Variants in CELF4 observed in about 807,000 individuals in gnomAD.
CELF4 encodes CUGBP Elav-like family member 4, also known as CUG-BP- and ETR-3-like factor 4.
CELF4 carries 18 observed loss-of-function variants against 59.9 expected under a neutral mutation model. The observed-to-expected ratio is 0.30, with a 90% confidence interval of 0.21 to 0.45. The LOEUF (loss-of-function observed/expected upper bound fraction) is 0.45, where lower values mean the gene tolerates loss of function less well. CELF4 is among the 20% of genes least tolerant of loss of function. The probability of loss-of-function intolerance (pLI) is 1.00; values close to 1 mark genes in which losing one functional copy is unlikely to be tolerated. For synonymous variants in CELF4, 261 were observed against 267.1 expected, an observed-to-expected ratio of 0.98 and a Z score of 0.22; for missense variants, 456 against 689.0, an observed-to-expected ratio of 0.66 and a Z score of 3.79.
At chr18:37,449,362 C>T (rs992825760) in intron 2 of CELF4, among the ~76,000 whole-genome samples, 15 of 152,098 alleles carry the variant, frequency 9.9e-5, no homozygotes, top group African/African-American at 2.4e-5. Flanking sequence ...AAGCGTGCAG[C>T]CCAGGGAAAG....
At chr18:37,456,614 T>C (rs184767320) in intron 2 of CELF4, among the ~76,000 whole-genome samples, 1 of 152,298 alleles carries the variant, frequency 6.6e-6, no homozygotes, top group African/African-American at 2.4e-5. Context: ...TCTGACTGAA[T>C]TCCTTTGGGT....
intron 10 of CELF4, among the ~76,000 whole-genome samples, chr18:37,263,359 G>A (rs1365198716): frequency 6.6e-6 from 1 of 152,128 alleles, no homozygotes; most frequent in Non-Finnish European, 1.5e-5. Context: ...GCAGACTCTT[G>A]AGGCTCTTTC....
In CELF4 at chr18:37,245,153, T is replaced by G. The variant is rs118119532; in HGVS notation, c.*89A>C. The G allele has an allele frequency of 8.7e-3, 1,329 of 152,328 alleles. 7 individuals carry two copies. Among genetic ancestry groups the G allele is most frequent in the Non-Finnish European group, 0.014 (933 of 67,986 alleles). 9.4% of individuals were successfully genotyped at this position (152,328 alleles called of 1,614,324 possible). A position where few individuals can be genotyped will look rare whatever the true frequency, so the allele number is the denominator to read the frequency against. Reference sequence around the variant, plus strand: ...AACAGTTCTCATTTATAAATATATATAGAGAGAGGTTTGTTTTTTAATGTA... The same window carrying G: ...AACAGTTCTCATTTATAAATATATAGAGAGAGAGGTTTGTTTTTTAATGTA... On this transcript the variant is annotated 3_prime_UTR_variant, in exon 13 of 13. Transcript: ENST00000420428. This position sits in a 1 kb window ranked among gnomAD's most constrained non-coding sequence, Gnocchi z 4.1.
intron 11 of CELF4, among the ~76,000 whole-genome samples, chr18:37,256,680 G>T (rs897731685): frequency 3.9e-5 from 6 of 152,002 alleles, no homozygotes; most frequent in African/African-American, 1.5e-4. Flanking sequence ...CCCTTCCTGG[G>T]TTCAAGCAGT....
At chr18:37,450,266 AAGCAGGCTGAGCGGTCCC>A (rs1232623943) in intron 2 of CELF4, among the ~76,000 whole-genome samples, 1 of 151,870 alleles carries the variant, frequency 6.6e-6, no homozygotes, top group Non-Finnish European at 1.5e-5. Context: ...TGGGAGGAAG[AAGCAGGCTGAGCGGTCCC>A]ATTGTGGCTG....
Position 37,500,755 on chromosome 18 carries a change from T to G in CELF4, c.287-15148A>C, listed in dbSNP as rs148139249. Among the ~76,000 whole-genome samples the G allele has an allele frequency of 8.5e-3, 1,289 of 152,096 alleles. 21 individuals are homozygous for G. The highest frequency in any genetic ancestry group is 0.029 in the African/African-American group (1,220 of 41,502). The stretch of plus-strand genomic sequence containing the variant: ...TTCACTGTGTTAGCCAGGATGGTCT[T>G]GATCTGCTGACCTCGTGATCCACCC... On this transcript the variant is annotated intron_variant, in intron 1 of 12. Coordinates refer to ENST00000420428, the MANE Select transcript of CELF4 (RefSeq NM_020180.4).
chr18:37,279,920 C>A (rs996091284), intron 3 of CELF4, among the ~76,000 whole-genome samples: 23 of 152,214 alleles, frequency 1.5e-4, no homozygotes, highest in Non-Finnish European at 1.6e-4. Context: ...CCCTTGATTT[C>A]ATGATCACAA....
chr18:37,319,106 C>T (rs1388354865), intron 3 of CELF4, among the ~76,000 whole-genome samples: 3 of 152,208 alleles, frequency 2.0e-5, no homozygotes, highest in South Asian at 2.1e-4. Context: ...TGACAGCTTC[C>T]GTGTGTCACT....
intron 3 of CELF4, among the ~76,000 whole-genome samples, chr18:37,308,445 C>T (rs1171403072): frequency 1.3e-5 from 2 of 152,176 alleles, no homozygotes; most frequent in African/African-American, 2.4e-5. Flanking sequence ...CTGACTGCTC[C>T]AGCGGGCACA....
chr18:37,300,982 A>G (rs1259810406), intron 3 of CELF4, among the ~76,000 whole-genome samples: 2 of 152,204 alleles, frequency 1.3e-5, no homozygotes, highest in East Asian at 3.9e-4. Context: ...GAGTGGTAAA[A>G]GGCTTGGACT....
intron 2 of CELF4, among the ~76,000 whole-genome samples, chr18:37,404,586 A>G (rs1032687985): frequency 6.6e-6 from 1 of 152,132 alleles, no homozygotes. Flanking sequence ...CTGGGCCTGG[A>G]CATCACTCCA....
chr18:37,343,875 C>G (rs1339379548), intron 2 of CELF4, among the ~76,000 whole-genome samples: 1 of 152,150 alleles, frequency 6.6e-6, no homozygotes, highest in Non-Finnish European at 1.5e-5. Context: ...CTGTCCACTT[C>G]CAACTCTCTG....
chr18:37,543,895 G>A (rs777845322), intron 1 of CELF4, among the ~76,000 whole-genome samples: 1 of 152,188 alleles, frequency 6.6e-6, no homozygotes, highest in Non-Finnish European at 1.5e-5. Flanking sequence ...GAAGCTCCAG[G>A]GAGGCTGAAG....
chr18:37,357,317 C>T lies in CELF4; in HGVS notation c.370-35436G>A, dbSNP rs1297262396. 6.6e-5 allele frequency among the ~76,000 whole-genome samples: 10 copies of T among 151,926 alleles called. 1 individual carries two copies. The highest frequency in any genetic ancestry group is 1.3e-4 in the Admixed American group (2 of 15,258). On this transcript the variant is annotated intron_variant, in intron 2 of 12. Transcript: ENST00000420428. The stretch of plus-strand genomic sequence containing the variant: ...TCCAGCTGGGGCTGAAAGGGGCCAG[C>T]GTAGAGCTCGGGCTGTGGCTTCAGA...
At chr18:37,269,879 T>C (rs1391389473) in intron 8 of CELF4, among the ~76,000 whole-genome samples, 1 of 152,230 alleles carries the variant, frequency 6.6e-6, no homozygotes, top group Non-Finnish European at 1.5e-5. Context: ...TAGGTCCATG[T>C]CCTGCTCTAC....
intron 1 of CELF4, among the ~76,000 whole-genome samples, chr18:37,527,910 A>G (rs542694296): frequency 1.3e-5 from 2 of 152,260 alleles, no homozygotes; most frequent in South Asian, 2.1e-4. Flanking sequence ...TTCTCTGGGT[A>G]TGTTCTAGCT....
chr18:37,442,373 T>G (rs1027848391), intron 2 of CELF4, among the ~76,000 whole-genome samples: 1 of 152,186 alleles, frequency 6.6e-6, no homozygotes, highest in African/African-American at 2.4e-5. Context: ...TTCTCACTAG[T>G]CATTTGAGAA....
intron 2 of CELF4, among the ~76,000 whole-genome samples, chr18:37,431,518 C>T (rs1170982341): frequency 6.6e-6 from 1 of 151,970 alleles, no homozygotes; most frequent in Non-Finnish European, 1.5e-5. Flanking sequence ...CAGGCGCCCG[C>T]CACCACGCCC....
chr18:37,360,213 C>A (rs1035010625), intron 2 of CELF4, among the ~76,000 whole-genome samples: 1 of 152,148 alleles, frequency 6.6e-6, no homozygotes, highest in Non-Finnish European at 1.5e-5. Flanking sequence ...CTGCTGAAGT[C>A]CTCTTTGCAA....
Sources: gnomAD v4.1 joint callset for allele counts (sites outside exome capture counted in the v4.1 genomes callset) on GRCh38, gnomAD v4.1.1 for gene constraint, Gnocchi (gnomAD v3.1) non-coding constraint, MANE v1.5 for transcripts, NCBI Gene and HGNC (gene_info 2026-07-23, HGNC 2026-07-21) for gene names.